Variants in EDEM1 observed in about 807,000 individuals in gnomAD.
The protein encoded by EDEM1 is ER degradation enhancing alpha-mannosidase like protein 1, also known as ER degradation-enhancing alpha-mannosidase-like protein 1.
Under a neutral mutation model 74.4 loss-of-function variants are expected in EDEM1, and 67 were observed. The ratio of observed to expected loss-of-function variants is 0.90; its 90% CI spans 0.74 to 1.10. The LOEUF is 1.10. Ranked by LOEUF, EDEM1 falls within the 50% of genes least tolerant of loss-of-function variation. The pLI is 0.00. For synonymous variants in EDEM1, 382 were observed against 335.9 expected, an observed-to-expected ratio of 1.14 and a Z score of -1.50; for missense variants, 926 against 851.6, an observed-to-expected ratio of 1.09 and a Z score of -1.09.
In EDEM1 at chr3:5,187,718, G is replaced by A. The variant is rs938329821; in HGVS notation, c.-88G>A. On this transcript the variant is annotated 5_prime_UTR_variant, in exon 1 of 12. Transcript: ENST00000256497. ...CGGGGGAGTTCCTTAAAGGGGAAGC[G>A]AGCCGGGCTACGGGGCGAGCGCGGG... 6.5e-6 allele frequency: 9 copies of A among 1,395,320 alleles called. No individual in the cohort carries two copies. Among genetic ancestry groups the A allele is most frequent in the Non-Finnish European group, 8.4e-6 (9 of 1,074,264 alleles). The allele number at this position is 1,395,320 out of a possible 1,614,324, so 86.4% of individuals were successfully genotyped here. A position where few individuals can be genotyped will look rare whatever the true frequency, so the allele number is the denominator to read the frequency against.
At chr3:5,191,147 T>C (rs1420398553) in intron 1 of EDEM1, among the ~76,000 whole-genome samples, 2 of 152,222 alleles carry the variant, frequency 1.3e-5, no homozygotes, top group Non-Finnish European at 2.9e-5. Context: ...AACCAGAGTA[T>C]TGTCATGCTG....
chr3:5,201,764 G>C lies in EDEM1; in HGVS notation c.698G>C (p.Ser233Thr), dbSNP rs2106596191. The C allele has an allele frequency of 6.2e-7, 1 of 1,614,134 alleles. No homozygotes were observed. The highest frequency in any genetic ancestry group is 2.2e-5 in the East Asian group (1 of 44,882). ...VFEATIRVLG[S>T]LLSAHRIITD... ...CTTCCTGTCATTAGGGTCCTGGGAA[G>C]CCTCCTTTCTGCTCACAGAATAATA... The change falls in exon 4 of 12, where the codon AGC (serine) becomes ACC (threonine). Residue 233 changes from serine to threonine, a missense_variant. By Grantham distance (58) the Ser-to-Thr change is moderately conservative. Coordinates refer to ENST00000256497, the MANE Select transcript of EDEM1 (RefSeq NM_014674.3).
chr3:5,200,965 C>T (rs528343208), intron 3 of EDEM1, among the ~76,000 whole-genome samples: 21 of 149,746 alleles, frequency 1.4e-4, no homozygotes, highest in African/African-American at 3.9e-4. Flanking sequence ...GGTGCTATCA[C>T]GGCTCACTGC....
At chr3:5,201,225 G>T (rs78782828) in intron 3 of EDEM1, among the ~76,000 whole-genome samples, 1 of 151,774 alleles carries the variant, frequency 6.6e-6, no homozygotes, top group Non-Finnish European at 1.5e-5. Context: ...TGGCATGATT[G>T]TAGCAGTCTT....
chr3:5,203,149 G>A lies in EDEM1; in HGVS notation c.1042G>A (p.Gly348Ser). The A allele has an allele frequency of 6.4e-7, 1 of 1,560,228 alleles. No individual in the cohort carries two copies. Residue 348 changes from glycine (G) to serine (S), a missense_variant and splice_region_variant, in exon 5 of 12, where the codon GGC becomes AGC. Physicochemically the swap from Gly to Ser is moderately conservative, Grantham distance 56. Coordinates refer to ENST00000256497, the MANE Select transcript of EDEM1 (RefSeq NM_014674.3). ...CCGGAGCAATGATACAGGATTACTA[G>A]GTGTGGCACCTTTCCTCGCCATTGG... ...NLRSNDTGLL[G>S]NVVNIQTGHW...
At chr3:5,211,653 AGTGT>A (rs34661098) in intron 10 of EDEM1, among the ~76,000 whole-genome samples, 1,817 of 146,376 alleles carry the variant, frequency 0.012, 44 homozygotes, top group African/African-American at 0.039. Flanking sequence ...TGAGTGAGTG[AGTGT>A]GTGTGTGTGT....
At position 5,213,522 on chromosome 3, in the gene EDEM1, C is replaced by A; in HGVS notation, c.1884C>A (p.Asn628Lys). ...HELKVINSSSNCNRVPDERRY... is the reference protein window; with the variant it reads ...HELKVINSSSKCNRVPDERRY... ...TAAAAGTCATCAACTCCAGCTCCAA[C>A]GTGAGTTGCTTTTTCCAGGGGTGAT... The change falls in exon 11 of 12, where the codon AAC becomes AAA. Residue 628 changes from asparagine to lysine, a missense_variant and splice_region_variant. Physicochemically the swap from Asn to Lys is moderately conservative, Grantham distance 94 (BLOSUM62 0). Coordinates refer to ENST00000256497, the MANE Select transcript of EDEM1 (RefSeq NM_014674.3). 6.2e-7 allele frequency: 1 copy of A among 1,601,866 alleles called. No homozygotes were observed. Among genetic ancestry groups the A allele is most frequent in the South Asian group, 1.1e-5 (1 of 89,308 alleles).
chr3:5,200,901 T>G (rs1470466780), intron 3 of EDEM1, among the ~76,000 whole-genome samples: 1 of 151,826 alleles, frequency 6.6e-6, no homozygotes, highest in Non-Finnish European at 1.5e-5. Flanking sequence ...AAATTAAATT[T>G]TTTTTTTCAT....
chr3:5,210,076 G>T, intron 8 of EDEM1, 99 bp from the exon 9 acceptor site: 2 of 1,032,686 alleles, frequency 1.9e-6, no homozygotes, highest in South Asian at 2.6e-5. Flanking sequence ...TTTGGCTGGC[G>T]ACTCGTCTCC....
intron 1 of EDEM1, among the ~76,000 whole-genome samples, chr3:5,188,856 T>A (rs776072711): frequency 3.9e-5 from 6 of 152,174 alleles, no homozygotes; most frequent in Non-Finnish European, 5.9e-5. Flanking sequence ...GGTTACAGCC[T>A]CTCCTTCACA....
intron 3 of EDEM1, 54 bp from the exon 4 acceptor site, chr3:5,201,699 T>C (rs1417159300): frequency 1.3e-6 from 2 of 1,598,898 alleles, no homozygotes; most frequent in East Asian, 2.2e-5. Context: ...AATTGGATTA[T>C]GTGCATTTAC....
chr3:5,210,148 G>A, intron 8 of EDEM1, 27 bp from the exon 9 acceptor site: 2 of 1,601,988 alleles, frequency 1.2e-6, no homozygotes, highest in Non-Finnish European at 1.7e-6. Context: ...GCCCATGCTG[G>A]ATCACATTCT....
chr3:5,209,657 G>C (rs1412955464), intron 8 of EDEM1, among the ~76,000 whole-genome samples: 1 of 152,190 alleles, frequency 6.6e-6, no homozygotes, highest in African/African-American at 2.4e-5. Context: ...TGTGTGAGAA[G>C]AGTAGGCAAC....
chr3:5,210,408 C>G (rs1370165914), intron 9 of EDEM1, among the ~76,000 whole-genome samples, 160 bp downstream of exon 9: 1 of 152,186 alleles, frequency 6.6e-6, no homozygotes, highest in Non-Finnish European at 1.5e-5. Flanking sequence ...TAGAACCTTT[C>G]CATTGTACTG....
chr3:5,196,836 A>G (rs370906901), intron 2 of EDEM1, among the ~76,000 whole-genome samples: 1 of 152,006 alleles, frequency 6.6e-6, no homozygotes, highest in East Asian at 1.9e-4. Context: ...AGTGTTGCTT[A>G]AAGGAAACGT....
chr3:5,201,623 G>A, intron 3 of EDEM1, 130 bp from the exon 4 acceptor site: 2 of 998,616 alleles, frequency 2.0e-6, no homozygotes, highest in Middle Eastern at 2.1e-4. Flanking sequence ...AGTCCATTAA[G>A]TCAGGTCTCT....
chr3:5,196,824 C>T (rs2054973286), intron 2 of EDEM1, among the ~76,000 whole-genome samples: 1 of 152,092 alleles, frequency 6.6e-6, no homozygotes. Context: ...ACTCAGCCTA[C>T]AAGTGTTGCT....
chr3:5,211,882 CG>C (rs1360334371), intron 10 of EDEM1, among the ~76,000 whole-genome samples: 4 of 152,276 alleles, frequency 2.6e-5, no homozygotes, highest in African/African-American at 9.6e-5. Context: ...TCCATCTCAC[CG>C]CTCTGCCTCG....
At chr3:5,199,885 C>G (rs958632970) in intron 3 of EDEM1, among the ~76,000 whole-genome samples, 190 bp downstream of exon 3, 6 of 151,784 alleles carry the variant, frequency 4.0e-5, no homozygotes, top group African/African-American at 1.2e-4. Context: ...TAATCACATT[C>G]CGGACTGAAG....
Sources: gnomAD v4.1 joint callset for allele counts (sites outside exome capture counted in the v4.1 genomes callset) on GRCh38, gnomAD v4.1.1 for gene constraint, MANE v1.5 for transcripts, NCBI Gene and HGNC (gene_info 2026-07-23, HGNC 2026-07-21) for gene names.